The following CSMD1 variants were observed in gnomAD, a reference collection of about 807,000 sequenced individuals.
The protein encoded by CSMD1 is CUB and Sushi multiple domains 1.
Under a neutral mutation model 417.5 loss-of-function variants are expected in CSMD1, and 213 were observed. The ratio of observed to expected loss-of-function variants is 0.51; its 90% CI spans 0.46 to 0.57. The LOEUF (loss-of-function observed/expected upper bound fraction) is 0.57. CSMD1 is among the 20% of genes least tolerant of loss of function. The pLI, the probability that CSMD1 is intolerant of heterozygous loss-of-function variation, is 0.00. For missense variants in CSMD1, 6,923 were observed against 4,529.7 expected (o/e 1.53, Z -15.17); for synonymous variants, 2,862 against 1,736.8 (o/e 1.65, Z -16.11).
chr8:3,302,881 T>C (rs1365629684), intron 25 of CSMD1, among the ~76,000 whole-genome samples: 2 of 152,176 alleles, frequency 1.3e-5, no homozygotes, highest in East Asian at 1.9e-4. Context: ...GTCAGAACTT[T>C]GCAAAGTGAG....
chr8:4,846,081 C>T (rs558527524), intron 1 of CSMD1, among the ~76,000 whole-genome samples: 1 of 152,182 alleles, frequency 6.6e-6, no homozygotes, highest in South Asian at 2.1e-4. Context: ...CGTCCCAAAT[C>T]AAACAGTTGC....
chr8:4,007,911 G>C (rs1260139836), intron 4 of CSMD1, among the ~76,000 whole-genome samples: 3 of 151,720 alleles, frequency 2.0e-5, no homozygotes, highest in Non-Finnish European at 4.4e-5. Context: ...TTAAAAAAAA[G>C]TAGTCTATAA....
At chr8:4,178,125 C>CA (rs1798157022) in intron 3 of CSMD1, among the ~76,000 whole-genome samples, 1 of 151,928 alleles carries the variant, frequency 6.6e-6, no homozygotes, top group Admixed American at 6.6e-5. Context: ...GAGACACAAC[C>CA]AAAAAAGAGA....
intron 12 of CSMD1, among the ~76,000 whole-genome samples, chr8:3,432,508 C>CTTTTTTT (rs769207768): frequency 3.8e-5 from 4 of 105,316 alleles, no homozygotes; most frequent in Non-Finnish European, 7.4e-5. Context: ...TCAATATGGG[C>CTTTTTTT]TTTTTTTTTT....
At chr8:4,278,145 G>A (rs552195982) in intron 3 of CSMD1, among the ~76,000 whole-genome samples, 3 of 152,152 alleles carry the variant, frequency 2.0e-5, no homozygotes, top group South Asian at 4.1e-4. Context: ...CCACCAAAGA[G>A]AAGAATCTAT....
intron 3 of CSMD1, among the ~76,000 whole-genome samples, chr8:4,063,906 G>C (rs1799109041): frequency 6.6e-6 from 1 of 152,160 alleles, no homozygotes; most frequent in African/African-American, 2.4e-5. Context: ...CGTGCACAAT[G>C]ATGTAGGTGA....
intron 1 of CSMD1, among the ~76,000 whole-genome samples, chr8:4,838,736 G>A (rs930745500): frequency 3.3e-5 from 5 of 152,174 alleles, no homozygotes; most frequent in African/African-American, 9.6e-5. Context: ...TCATGCCATC[G>A]GCTCAAATGA....
chr8:3,078,522 G>C (rs1417173855), intron 49 of CSMD1, among the ~76,000 whole-genome samples: 1 of 152,202 alleles, frequency 6.6e-6, no homozygotes, highest in Non-Finnish European at 1.5e-5. Context: ...GTCTGATCTT[G>C]GAAGATTAAT....
At chr8:2,960,961 T>TATATATATATATATATATACATAC (rs1408815262) in intron 62 of CSMD1, among the ~76,000 whole-genome samples, 180 bp downstream of exon 62, 1 of 130,858 alleles carries the variant, frequency 7.6e-6, no homozygotes, top group Admixed American at 7.4e-5. Context: ...TATATATATA[T>TATATATATATATATATATACATAC]ATATACATAT....
intron 3 of CSMD1, among the ~76,000 whole-genome samples, chr8:4,148,780 A>T (rs1044339596): frequency 3.3e-5 from 5 of 152,018 alleles, no homozygotes. Context: ...CTGAGTTTAG[A>T]ATTTCAACAG....
chr8:3,432,292 A>C (rs1345021950), intron 12 of CSMD1, among the ~76,000 whole-genome samples: 1 of 152,172 alleles, frequency 6.6e-6, no homozygotes, highest in Non-Finnish European at 1.5e-5. Context: ...GAAACTATGC[A>C]AATGAAAGAT....
chr8:3,116,260 G>A (rs1816861738), intron 42 of CSMD1, among the ~76,000 whole-genome samples: 1 of 152,106 alleles, frequency 6.6e-6, no homozygotes, highest in African/African-American at 2.4e-5. Context: ...ACTTTTACAT[G>A]AATCGTGCGT....
chr8:4,939,211 A>G (rs945125102), intron 1 of CSMD1, among the ~76,000 whole-genome samples: 1 of 152,240 alleles, frequency 6.6e-6, no homozygotes, highest in Non-Finnish European at 1.5e-5. Flanking sequence ...GTGGGAATGT[A>G]AATTAGTAAA....
intron 3 of CSMD1, among the ~76,000 whole-genome samples, chr8:4,243,728 C>G (rs1802537237): frequency 6.6e-6 from 1 of 151,946 alleles, no homozygotes; most frequent in Non-Finnish European, 1.5e-5. Flanking sequence ...TCTGAGTCCA[C>G]AAAAAAGAAC....
chr8:4,434,339 C>T (rs527627398), intron 2 of CSMD1, among the ~76,000 whole-genome samples: 1 of 152,260 alleles, frequency 6.6e-6, no homozygotes, highest in African/African-American at 2.4e-5. Context: ...ACACTCCAGC[C>T]TGGGCAACAG....
chr8:4,289,771 G>C (rs78237092), intron 3 of CSMD1, among the ~76,000 whole-genome samples: 3 of 152,314 alleles, frequency 2.0e-5, no homozygotes, highest in African/African-American at 7.2e-5. Flanking sequence ...CGTACTGGAA[G>C]CACCATAGTT....
intron 18 of CSMD1, among the ~76,000 whole-genome samples, chr8:3,373,926 G>C (rs941842591): frequency 2.6e-5 from 4 of 151,428 alleles, no homozygotes; most frequent in Non-Finnish European, 4.4e-5. Flanking sequence ...TATTTTCCTG[G>C]CTGAGTTGAA....
intron 2 of CSMD1, among the ~76,000 whole-genome samples, chr8:4,631,178 T>C (rs1802488791): frequency 6.6e-6 from 1 of 152,008 alleles, no homozygotes; most frequent in South Asian, 2.1e-4. Flanking sequence ...CTGGCCAATA[T>C]GGTGAAACCC....
At chr8:4,628,597 G>A (rs566416530) in intron 2 of CSMD1, among the ~76,000 whole-genome samples, 4 of 97,478 alleles carry the variant, frequency 4.1e-5, no homozygotes, top group Non-Finnish European at 6.8e-5. Context: ...AACACACACA[G>A]GAAAAAGAAA....
Sources: allele counts gnomAD v4.1 joint callset (sites outside exome capture counted in the v4.1 genomes callset), GRCh38; gene constraint gnomAD v4.1.1; transcripts MANE v1.5; gene names NCBI Gene and HGNC (gene_info 2026-07-23, HGNC 2026-07-21).